The following GALNTL6 variants were observed in gnomAD, a reference collection of about 807,000 sequenced individuals.
GALNTL6 encodes the protein polypeptide N-acetylgalactosaminyltransferase like 6.
A neutral mutation model predicts 73.7 loss-of-function variants in GALNTL6; 46 were observed. The ratio of observed to expected loss-of-function variants is 0.62; its 90% CI spans 0.49 to 0.80. GALNTL6 has a LOEUF of 0.80. Ranked by LOEUF, GALNTL6 falls within the 30% of genes least tolerant of loss-of-function variation. The probability of loss-of-function intolerance (pLI) is 0.00; values close to 1 mark genes in which losing one functional copy is unlikely to be tolerated. For missense variants in GALNTL6, 604 were observed against 755.0 expected, an observed-to-expected ratio of 0.80 and a Z score of 2.34; for synonymous variants, 259 against 263.7, an observed-to-expected ratio of 0.98 and a Z score of 0.17.
At chr4:172,780,197 C>A (rs764142784) in intron 5 of GALNTL6, among the ~76,000 whole-genome samples, 12 of 151,848 alleles carry the variant, frequency 7.9e-5, no homozygotes, top group Admixed American at 1.3e-4. Context: ...AAATTAGAAT[C>A]TTTTCCTTTA....
At chr4:172,416,243 C>T (rs1391683066) in intron 5 of GALNTL6, among the ~76,000 whole-genome samples, 2 of 152,156 alleles carry the variant, frequency 1.3e-5, no homozygotes, top group African/African-American at 4.8e-5. Flanking sequence ...CTTAACACCT[C>T]TAGCTTAAAT....
chr4:172,365,702 A>G (rs1017493401), intron 5 of GALNTL6, among the ~76,000 whole-genome samples: 5 of 149,992 alleles, frequency 3.3e-5, no homozygotes, highest in Admixed American at 6.6e-5. Context: ...AATGTGGGAA[A>G]TCTAAAAAAA....
chr4:171,962,814 A>T, intron 2 of GALNTL6, among the ~76,000 whole-genome samples: 1 of 133,672 alleles, frequency 7.5e-6, no homozygotes, highest in African/African-American at 2.9e-5. Context: ...GTCGCCAGGC[A>T]AGAGTGCAGT....
In GALNTL6 at chr4:171,813,673, G is replaced by T. The variant is rs1315618853; in HGVS notation, c.-487G>T. On this transcript the variant is annotated 5_prime_UTR_variant, in exon 1 of 13. Coordinates refer to ENST00000506823, the MANE Select transcript of GALNTL6 (RefSeq NM_001034845.3). This position sits in a 1 kb window ranked among gnomAD's most constrained non-coding sequence, Gnocchi z 5.2. ...GTAACATGAACAGCGGAGCGTGAGAGCGTCACCGGGGGAAGGGACGAGATT... is the reference window on the plus strand; with the variant it reads ...GTAACATGAACAGCGGAGCGTGAGATCGTCACCGGGGGAAGGGACGAGATT... 1 of 152,394 alleles carries T rather than the reference G, an allele frequency of 6.6e-6. No individual in the cohort carries two copies. The highest frequency in any genetic ancestry group is 2.4e-5 in the African/African-American group (1 of 41,468). 9.4% of individuals were successfully genotyped at this position (152,394 alleles called of 1,614,324 possible).
At chr4:172,370,441 T>C (rs1207362348) in intron 5 of GALNTL6, among the ~76,000 whole-genome samples, 6 of 151,696 alleles carry the variant, frequency 4.0e-5, no homozygotes, top group Admixed American at 3.9e-4. Context: ...CTGGCTAACG[T>C]GGTGAAACCC....
intron 8 of GALNTL6, among the ~76,000 whole-genome samples, chr4:172,910,940 C>T (rs1354050080): frequency 1.1e-4 from 16 of 152,216 alleles, no homozygotes; most frequent in Non-Finnish European, 1.5e-5. Flanking sequence ...AACTACAAAA[C>T]ATGACACACC....
At chr4:172,960,042 G>T (rs1264238111) in intron 10 of GALNTL6, among the ~76,000 whole-genome samples, 1 of 152,220 alleles carries the variant, frequency 6.6e-6, no homozygotes, top group Admixed American at 6.5e-5. Context: ...TGTGGGGTTT[G>T]AGGGCCAGAA....
chr4:172,255,112 A>G (rs1738026931), intron 3 of GALNTL6, among the ~76,000 whole-genome samples: 1 of 151,688 alleles, frequency 6.6e-6, no homozygotes, highest in Admixed American at 6.6e-5. Flanking sequence ...ACAAGGGACT[A>G]TAATATTCAT....
chr4:172,609,216 T>C (rs1321790411), intron 5 of GALNTL6, among the ~76,000 whole-genome samples: 13 of 152,174 alleles, frequency 8.5e-5, no homozygotes, highest in Admixed American at 8.5e-4. Flanking sequence ...ATCCTTGTCT[T>C]GTTCCAGTTC....
chr4:172,184,873 C>G (rs1735370292), intron 2 of GALNTL6, among the ~76,000 whole-genome samples: 1 of 152,180 alleles, frequency 6.6e-6, no homozygotes, highest in African/African-American at 2.4e-5. Flanking sequence ...CGAACTGCCC[C>G]TTTTAAAGTG....
intron 5 of GALNTL6, among the ~76,000 whole-genome samples, chr4:172,524,696 C>G (rs151134144): frequency 1.3e-5 from 2 of 152,132 alleles, no homozygotes; most frequent in Non-Finnish European, 2.9e-5. Context: ...TAAATATATA[C>G]GGTGCTAATA....
rs17059078 is a variant in GALNTL6, at chr4:173,003,170, T to G, written c.1372-6008T>G. ...TATCACAATTTTTTAAAACAGCTCA[T>G]GAGAAGATGTCAAAGGGCTGGGAGA... On this transcript the variant is annotated intron_variant, in intron 10 of 12. Coordinates refer to ENST00000506823, the MANE Select transcript of GALNTL6 (RefSeq NM_001034845.3). Among the ~76,000 whole-genome samples, 160 of 152,270 alleles carry G rather than the reference T, an allele frequency of 1.1e-3. 4 individuals are homozygous for G. In the East Asian group the frequency reaches 0.027, roughly 26 times the overall value.
At chr4:171,933,649 C>T (rs1321548184) in intron 2 of GALNTL6, among the ~76,000 whole-genome samples, 1 of 152,026 alleles carries the variant, frequency 6.6e-6, no homozygotes, top group Non-Finnish European at 1.5e-5. Flanking sequence ...ATTTACTTAA[C>T]TAAGACAGTT....
At chr4:172,984,413 C>T (rs970505976) in intron 10 of GALNTL6, among the ~76,000 whole-genome samples, 18 of 152,246 alleles carry the variant, frequency 1.2e-4, no homozygotes, top group South Asian at 2.1e-4. Context: ...TGGGGGAAAC[C>T]GCCCCCATGA....
intron 5 of GALNTL6, among the ~76,000 whole-genome samples, chr4:172,779,974 C>T (rs1739290655): frequency 6.6e-6 from 1 of 152,126 alleles, no homozygotes; most frequent in Admixed American, 6.5e-5. Context: ...TGTTCTCAAA[C>T]TAATGTGCTA....
chr4:172,290,750 CAT>C (rs1739441299), intron 3 of GALNTL6, among the ~76,000 whole-genome samples: 1 of 151,454 alleles, frequency 6.6e-6, no homozygotes, highest in Non-Finnish European at 1.5e-5. Context: ...TTTATCATAT[CAT>C]ATAATAATTT....
At chr4:172,601,486 G>A (rs757587245) in intron 5 of GALNTL6, among the ~76,000 whole-genome samples, 19 of 151,974 alleles carry the variant, frequency 1.3e-4, no homozygotes, top group Non-Finnish European at 1.8e-4. Context: ...AAGGCAGTTC[G>A]GCTTCCTAGA....
rs543927733 is a variant in GALNTL6, at chr4:173,041,037, A to C, written c.*937A>C. Reference sequence around the variant, plus strand: ...TAAGCAAGGAAATGGAGTGAGTTTGATGTAATTTGTTTAGGAGATTCTTAA... The same window carrying C: ...TAAGCAAGGAAATGGAGTGAGTTTGCTGTAATTTGTTTAGGAGATTCTTAA... On this transcript the variant is annotated 3_prime_UTR_variant, in exon 13 of 13. Transcript: ENST00000506823. 8.5e-5 allele frequency: 13 copies of C among 152,364 alleles called. No individual in the cohort carries two copies. The South Asian group carries it at 2.7e-3, about 32-fold the overall frequency. 9.4% of individuals were successfully genotyped at this position (152,364 alleles called of 1,614,324 possible).
At chr4:172,404,049 G>C (rs17058400) in intron 5 of GALNTL6, among the ~76,000 whole-genome samples, 3,122 of 151,978 alleles carry the variant, frequency 0.021, 101 homozygotes, top group African/African-American at 0.07. Flanking sequence ...CCAGGGGTAG[G>C]CTTATTATCT....
Sources: gnomAD v4.1 joint callset for allele counts (sites outside exome capture counted in the v4.1 genomes callset) on GRCh38, gnomAD v4.1.1 for gene constraint, Gnocchi (gnomAD v3.1) non-coding constraint, MANE v1.5 for transcripts, NCBI Gene and HGNC (gene_info 2026-07-23, HGNC 2026-07-21) for gene names.